CDK19: variants seen among roughly 807,000 people sequenced by gnomAD.
CDK19 encodes cyclin-dependent kinase 19.
Under a neutral mutation model 68.3 loss-of-function variants are expected in CDK19, and 20 were observed. That is an observed-to-expected ratio of 0.29 (90% CI 0.21 to 0.43). The LOEUF is 0.43. Ranked by LOEUF, CDK19 falls within the 20% of genes least tolerant of loss-of-function variation. The probability of loss-of-function intolerance (pLI) is 1.00; values close to 1 mark genes in which losing one functional copy is unlikely to be tolerated. For missense variants in CDK19, 339 were observed against 623.5 expected (o/e 0.54, Z 4.86); for synonymous variants, 221 against 222.8 (o/e 0.99, Z 0.07).
chr6:110,810,343 C>T (rs1782990755), intron 1 of CDK19, among the ~76,000 whole-genome samples: 2 of 152,152 alleles, frequency 1.3e-5, no homozygotes, highest in South Asian at 4.1e-4. Context: ...AGAGATATGA[C>T]ATGATTGATT....
chr6:110,619,097 T>C (rs1353279478), intron 12 of CDK19, among the ~76,000 whole-genome samples: 3 of 152,200 alleles, frequency 2.0e-5, no homozygotes, highest in Admixed American at 6.5e-5. Context: ...CTGCCCCTCA[T>C]GCCAGTCTCT....
At chr6:110,709,858 C>T (rs1054011601) in intron 2 of CDK19, among the ~76,000 whole-genome samples, 2 of 152,042 alleles carry the variant, frequency 1.3e-5, no homozygotes, top group African/African-American at 4.8e-5. Flanking sequence ...TAGAATCTAA[C>T]CTAATAAAAT....
intron 1 of CDK19, among the ~76,000 whole-genome samples, chr6:110,769,491 G>A (rs1437747333): frequency 1.3e-5 from 2 of 151,462 alleles, no homozygotes; most frequent in Non-Finnish European, 2.9e-5. Flanking sequence ...CTTGAACCCG[G>A]GAGCTGGAGG....
At chr6:110,644,889 G>A (rs1040435850) in intron 4 of CDK19, among the ~76,000 whole-genome samples, 7 of 152,124 alleles carry the variant, frequency 4.6e-5, no homozygotes, top group Middle Eastern at 6.3e-3. Flanking sequence ...TAGGGGTAGA[G>A]ATGATCACTA....
chr6:110,641,603 A>G (rs564992182), intron 4 of CDK19, among the ~76,000 whole-genome samples: 7 of 145,454 alleles, frequency 4.8e-5, no homozygotes, highest in Admixed American at 2.7e-4. Context: ...AAAAAAAAAA[A>G]AAAAAAAGAA....
intron 2 of CDK19, among the ~76,000 whole-genome samples, chr6:110,736,708 A>G (rs1438628237): frequency 2.0e-5 from 3 of 152,190 alleles, no homozygotes; most frequent in African/African-American, 2.4e-5. Context: ...CTTTGCTTAG[A>G]GTTTAAATGG....
intron 1 of CDK19, among the ~76,000 whole-genome samples, chr6:110,785,520 T>C (rs1292870951): frequency 6.6e-6 from 1 of 152,170 alleles, no homozygotes; most frequent in Non-Finnish European, 1.5e-5. Flanking sequence ...ATATTTACTA[T>C]TCATTAGTAG....
rs200523909 is a variant in CDK19 at position 110,638,726 on chromosome 6, A to G, written c.457-20T>C. The G allele has an allele frequency of 4.7e-4, 649 of 1,374,306 alleles. 3 individuals are homozygous for G. The highest frequency in any genetic ancestry group is 5.9e-4 in the Non-Finnish European group (567 of 966,266). 85.1% of individuals were successfully genotyped at this position (1,374,306 alleles called of 1,614,324 possible). On this transcript the variant is annotated intron_variant, in intron 4 of 12. Transcript: ENST00000368911. Reference sequence around the variant, plus strand: ...TGGTTTCTAGAAATAAAAATAGAGCATTCAAATTACCATGTTTATTCTTTT... The same window carrying G: ...TGGTTTCTAGAAATAAAAATAGAGCGTTCAAATTACCATGTTTATTCTTTT...
intron 8 of CDK19, among the ~76,000 whole-genome samples, chr6:110,624,420 AATGT>A (rs1378638366): frequency 6.6e-6 from 1 of 152,160 alleles, no homozygotes; most frequent in Non-Finnish European, 1.5e-5. Flanking sequence ...AAAAATAGGT[AATGT>A]ATGTTCATGA....
At chr6:110,726,872 T>C (rs1204828311) in intron 2 of CDK19, among the ~76,000 whole-genome samples, 5 of 152,166 alleles carry the variant, frequency 3.3e-5, no homozygotes, top group African/African-American at 9.6e-5. Flanking sequence ...TAATAATACT[T>C]TGCATTTTCA....
At chr6:110,728,737 T>G (rs1216684496) in intron 2 of CDK19, among the ~76,000 whole-genome samples, 1 of 152,130 alleles carries the variant, frequency 6.6e-6, no homozygotes, top group Non-Finnish European at 1.5e-5. Context: ...TCTCCTATAC[T>G]CTCAAATGTG....
At chr6:110,784,521 T>TA (rs1275128178) in intron 1 of CDK19, among the ~76,000 whole-genome samples, 1 of 152,158 alleles carries the variant, frequency 6.6e-6, no homozygotes, top group East Asian at 1.9e-4. Flanking sequence ...GAAACCCTCA[T>TA]ACATTTCAGG....
chr6:110,671,265 T>G (rs1245536264), intron 2 of CDK19, among the ~76,000 whole-genome samples: 1 of 152,164 alleles, frequency 6.6e-6, no homozygotes, highest in Non-Finnish European at 1.5e-5. Context: ...ACTTTGCGCA[T>G]AACAGACAGC....
intron 1 of CDK19, among the ~76,000 whole-genome samples, chr6:110,752,084 T>C (rs1414960150): frequency 1.3e-5 from 2 of 152,194 alleles, no homozygotes; most frequent in African/African-American, 4.8e-5. Flanking sequence ...TCTTGTTTCA[T>C]ATGGGTATCA....
intron 1 of CDK19, among the ~76,000 whole-genome samples, chr6:110,805,970 T>C (rs1278397935): frequency 3.0e-5 from 4 of 133,520 alleles, no homozygotes; most frequent in Non-Finnish European, 6.4e-5. Context: ...GGATAACACT[T>C]CTCAAAAAAA....
intron 1 of CDK19, among the ~76,000 whole-genome samples, chr6:110,784,337 A>G (rs1315139726): frequency 6.6e-6 from 1 of 152,186 alleles, no homozygotes; most frequent in Non-Finnish European, 1.5e-5. Flanking sequence ...TTGAATAGGT[A>G]TTTCTCCAAA....
intron 12 of CDK19, among the ~76,000 whole-genome samples, chr6:110,620,545 C>G (rs1451932792): frequency 6.6e-6 from 1 of 152,108 alleles, no homozygotes; most frequent in Non-Finnish European, 1.5e-5. Flanking sequence ...GACTTAGCTC[C>G]TTTAATTTCC....
chr6:110,751,421 C>A (rs1778465169), intron 1 of CDK19, among the ~76,000 whole-genome samples: 1 of 151,878 alleles, frequency 6.6e-6, no homozygotes. Context: ...GAATCTAATG[C>A]CTGATGTTCT....
At chr6:110,711,816 A>G (rs771564798) in intron 2 of CDK19, among the ~76,000 whole-genome samples, 9 of 152,168 alleles carry the variant, frequency 5.9e-5, no homozygotes, top group Non-Finnish European at 1.2e-4. Flanking sequence ...AAAAATACAA[A>G]AATTAACCGG....
Sources: allele counts gnomAD v4.1 joint callset (sites outside exome capture counted in the v4.1 genomes callset), GRCh38; gene constraint gnomAD v4.1.1; transcripts MANE v1.5; gene names NCBI Gene and HGNC (gene_info 2026-07-23, HGNC 2026-07-21).